Variants in PHKG2 observed in about 807,000 individuals in gnomAD.
PHKG2 encodes phosphorylase kinase catalytic subunit gamma 2, also known as phosphorylase b kinase gamma catalytic chain, liver/testis isoform.
In PHKG2, 28 loss-of-function variants were observed where a neutral mutation model predicts 44.5. That is an observed-to-expected ratio of 0.63 (90% CI 0.47 to 0.86). PHKG2 has a LOEUF of 0.86. Ranked by LOEUF, PHKG2 falls within the 40% of genes least tolerant of loss-of-function variation. The probability of loss-of-function intolerance (pLI) is 0.00; values close to 1 mark genes in which losing one functional copy is unlikely to be tolerated. For missense variants in PHKG2, 498 were observed against 547.5 expected (o/e 0.91, Z 0.90); for synonymous variants, 220 against 211.2 (o/e 1.04, Z -0.36).
Position 30,756,903 on chromosome 16 carries a change from C to T in PHKG2, c.1027C>T (p.Leu343=), listed in dbSNP as rs757346673. 8.7e-6 allele frequency: 14 copies of T among 1,614,134 alleles called. No homozygotes were observed. The South Asian group carries it at 1.2e-4, about 14-fold the overall frequency. ...KNALLRDPYA[L]RSVRHLIDNC... is the part of the protein sequence containing the mutation. Reference sequence around the variant, plus strand: ...TGCACTGTTGAGGGACCCTTATGCGCTGCGGTCAGTGCGGCACCTCATCGA... The same window carrying T: ...TGCACTGTTGAGGGACCCTTATGCGTTGCGGTCAGTGCGGCACCTCATCGA... Residue 343 remains leucine, a synonymous_variant, in exon 10 of 10, where the codon CTG becomes TTG. Transcript: ENST00000563588.
Position 30,750,089 on chromosome 16 carries a change from C to T in PHKG2, c.96-1017C>T, listed in dbSNP as rs148870821. Among the ~76,000 whole-genome samples, 677 of 152,072 alleles carry T rather than the reference C, an allele frequency of 4.5e-3. 4 individuals carry two copies. Among genetic ancestry groups the T allele is most frequent in the African/African-American group, 0.015 (642 of 41,470 alleles). Reference sequence around the variant, plus strand: ...AAAACATGGCCTCAAACTCAGATGCCCTTAGTGGTTGCGCAGGAAATTGAA... The same window carrying T: ...AAAACATGGCCTCAAACTCAGATGCTCTTAGTGGTTGCGCAGGAAATTGAA... On this transcript the variant is annotated intron_variant, in intron 2 of 9. Transcript: ENST00000563588.
chr16:30,751,750 G>A (rs539539333), intron 4 of PHKG2, 147 bp downstream of exon 4: 20 of 799,606 alleles, frequency 2.5e-5, no homozygotes, highest in Admixed American at 1.2e-4. Context: ...GCCTGCTAGC[G>A]CATGGCTCTG....
intron 4 of PHKG2, chr16:30,752,961 C>G: frequency 1.9e-6 from 1 of 514,368 alleles, no homozygotes; most frequent in Non-Finnish European, 3.5e-6. Flanking sequence ...GGCATAGTTA[C>G]TCTCAACAAG....
chr16:30,757,720 C>T lies in PHKG2; in HGVS notation c.*623C>T. ...CTGTCTGGCAATGGGGGGATGGTCC[C>T]TAGTTGGGCAAACAGTCCCCAAATT... On this transcript the variant is annotated 3_prime_UTR_variant, in exon 10 of 10. Transcript: ENST00000563588. The T allele has an allele frequency of 6.6e-7, 1 of 1,524,684 alleles. No individual in the cohort carries two copies. Among genetic ancestry groups the T allele is most frequent in the South Asian group, 1.3e-5 (1 of 78,454 alleles). 94.4% of individuals were successfully genotyped at this position (1,524,684 alleles called of 1,614,324 possible). A position where few individuals can be genotyped will look rare whatever the true frequency, so the allele number is the denominator to read the frequency against.
rs1376971577 is a variant in PHKG2, at chr16:30,759,890, G to A, written c.*2793G>A. 4 of 1,444,688 alleles carry A rather than the reference G, an allele frequency of 2.8e-6. No individual in the cohort carries two copies. The South Asian group carries it at 4.5e-5, about 16-fold the overall frequency. 89.5% of individuals were successfully genotyped at this position (1,444,688 alleles called of 1,614,324 possible). A position where few individuals can be genotyped will look rare whatever the true frequency, so the allele number is the denominator to read the frequency against. On this transcript the variant is annotated 3_prime_UTR_variant, in exon 10 of 10. Coordinates refer to ENST00000563588, the MANE Select transcript of PHKG2 (RefSeq NM_000294.3). ...AACAAATACTGAATACCCACTATAT[G>A]CCCACTGTATGGTTTTCGGCACTGA... is the stretch of plus-strand genomic sequence containing the variant.
rs367805411 is a variant in PHKG2 at position 30,761,141 on chromosome 16, TG to T, written c.*4048del. On this transcript the variant is annotated 3_prime_UTR_variant, in exon 10 of 10. Coordinates refer to ENST00000563588, the MANE Select transcript of PHKG2 (RefSeq NM_000294.3). ...ATGCCCTGGCCACAGACAGGACTGT[TG>T]GGGAGACAATAAAGAACGCAAATAT... is the stretch of plus-strand genomic sequence containing the variant. The T allele has an allele frequency of 5.9e-4, 943 of 1,591,170 alleles. 3 individuals carry two copies. The African/African-American group carries it at 8.3e-3, about 14-fold the overall frequency.
Position 30,757,392 on chromosome 16 carries a change from G to A in PHKG2, c.*295G>A, listed in dbSNP as rs1054407649. 7.8e-6 allele frequency: 12 copies of A among 1,547,410 alleles called. No homozygotes were observed. The highest frequency in any genetic ancestry group is 1.0e-5 in the Non-Finnish European group (12 of 1,147,222). On this transcript the variant is annotated 3_prime_UTR_variant, in exon 10 of 10. Coordinates refer to ENST00000563588, the MANE Select transcript of PHKG2 (RefSeq NM_000294.3). ...AGGTGTCCTGTGTCTGTCTGGCTTG[G>A]GCAGGAAAGCCCAGAAGGTGCTCAG...
In PHKG2 at chr16:30,756,699, C is replaced by T. The variant is rs781099286; in HGVS notation, c.911C>T (p.Pro304Leu). 9 of 1,613,964 alleles carry T rather than the reference C, an allele frequency of 5.6e-6. No individual in the cohort carries two copies. In the Admixed American group the frequency reaches 6.7e-5, roughly 12 times the overall value. The change falls in exon 9 of 10, where the codon CCC becomes CTC. Residue 304 changes from proline (P) to leucine (L), a missense_variant. Transcript: ENST00000563588. Reference protein sequence around the residue: ...CEGSQPWNLTPRQRFRVAVWT... With the variant: ...CEGSQPWNLTLRQRFRVAVWT... ...GGCAGCCAACCCTGGAACCTCACCC[C>T]CCGCCAGCGGTTCCGGGTAAGCCTG...
rs776735043 is a variant in PHKG2 at position 30,760,156 on chromosome 16, TATG to T, written c.*3066_*3068del. 3.2e-5 allele frequency: 50 copies of T among 1,583,562 alleles called. No homozygotes were observed. Among genetic ancestry groups the T allele is most frequent in the Middle Eastern group, 1.7e-4 (1 of 6,034 alleles). On this transcript the variant is annotated 3_prime_UTR_variant, in exon 10 of 10. Coordinates refer to ENST00000563588, the MANE Select transcript of PHKG2 (RefSeq NM_000294.3). ...TGGATTGGAAAGCTGATGGCTTGTG[TATG>T]ATGATGCTACTAATAATGACATATT...
At position 30,758,877 on chromosome 16, in the gene PHKG2, G is replaced by A; in HGVS notation, c.*1780G>A. ...AGCTGTGCTTTTATCTGTCATCTTG[G>A]ACTTCTGCATAAGGGATCATTTAGA... On this transcript the variant is annotated 3_prime_UTR_variant, in exon 10 of 10. Coordinates refer to ENST00000563588, the MANE Select transcript of PHKG2 (RefSeq NM_000294.3). The A allele has an allele frequency of 7.0e-7, 1 of 1,430,646 alleles. No individual in the cohort carries two copies. Among genetic ancestry groups the A allele is most frequent in the Admixed American group, 2.4e-5 (1 of 41,652 alleles). 88.6% of individuals were successfully genotyped at this position (1,430,646 alleles called of 1,614,324 possible).
rs1292727809 is a variant in PHKG2, at chr16:30,756,390, T to C, written c.671T>C (p.Phe224Ser). ...VDLWACGVILFTLLAGSPPFW... is the reference protein window; with the variant it reads ...VDLWACGVILSTLLAGSPPFW... ...AGCTGGGCCTGTGGGGTGATCTTGT[T>C]CACACTCCTGGCTGGCTCGCCACCC... Residue 224 changes from phenylalanine (F) to serine (S), a missense_variant, in exon 8 of 10, where the codon TTC becomes TCC. Transcript: ENST00000563588. 1.2e-6 allele frequency: 2 copies of C among 1,614,090 alleles called. No individual in the cohort carries two copies.
At position 30,759,767 on chromosome 16, in the gene PHKG2, A is replaced by G. The variant is rs2053613359; in HGVS notation, c.*2670A>G. ...ATGCAGCAGTGAGGCCCTCTCTGGT[A>G]TCCATTCATTCACTTCACTCAACAG... is the stretch of plus-strand genomic sequence containing the variant. On this transcript the variant is annotated 3_prime_UTR_variant, in exon 10 of 10. Transcript: ENST00000563588. 1 of 1,568,500 alleles carries G rather than the reference A, an allele frequency of 6.4e-7. No homozygotes were observed. The highest frequency in any genetic ancestry group is 1.9e-5 in the Admixed American group (1 of 53,958).
Position 30,760,245 on chromosome 16 carries a change from T to C in PHKG2, c.*3148T>C. On this transcript the variant is annotated 3_prime_UTR_variant, in exon 10 of 10. Transcript: ENST00000563588. ...CACTTGTGCCAGGCCCGGTTCCTCT[T>C]CTCCCTGGGGCTCAAACCTGGTAGC... 6.2e-7 allele frequency: 1 copy of C among 1,613,852 alleles called. No individual in the cohort carries two copies. Among genetic ancestry groups the C allele is most frequent in the South Asian group, 1.1e-5 (1 of 91,076 alleles).
At position 30,756,597 on chromosome 16, in the gene PHKG2, G is replaced by A; in HGVS notation, c.809G>A (p.Arg270Lys). 1.2e-6 allele frequency: 2 copies of A among 1,613,836 alleles called. No homozygotes were observed. Among genetic ancestry groups the A allele is most frequent in the Non-Finnish European group, 8.5e-7 (1 of 1,180,016 alleles). ...GCTCTGGGTCTCTCCTAGATCTCCA[G>A]GCTGCTGCAGGTGGATCCTGAGGCA... ...RSSTVKDLIS[R>K]LLQVDPEARL... The change falls in exon 9 of 10, where the codon AGG (arginine) becomes AAG (lysine). Residue 270 changes from arginine (R) to lysine (K), a missense_variant. Arg to Lys is a conservative substitution (Grantham distance 26, BLOSUM62 2). Transcript: ENST00000563588.
rs766536164 is a variant in PHKG2, at chr16:30,760,429, T to C, written c.*3332T>C. 3 of 1,614,120 alleles carry C rather than the reference T, an allele frequency of 1.9e-6. No individual in the cohort carries two copies. Among genetic ancestry groups the C allele is most frequent in the African/African-American group, 2.7e-5 (2 of 75,032 alleles). ...CCCTCAGGCTCTGCTCAGGACACCC[T>C]AGCTCCAGCAGCTCAGCCAGCACCC... On this transcript the variant is annotated 3_prime_UTR_variant, in exon 10 of 10. Transcript: ENST00000563588.
At chr16:30,754,270 A>T (rs1452502536) in intron 6 of PHKG2, among the ~76,000 whole-genome samples, 1 of 150,544 alleles carries the variant, frequency 6.6e-6, no homozygotes, top group Admixed American at 6.6e-5. Context: ...GGTTCAAGCT[A>T]TTCTTCTGCC....
At position 30,757,100 on chromosome 16, in the gene PHKG2, C is replaced by G. The variant is rs756727483; in HGVS notation, c.*3C>G. 6.2e-7 allele frequency: 1 copy of G among 1,613,128 alleles called. No homozygotes were observed. On this transcript the variant is annotated 3_prime_UTR_variant, in exon 10 of 10. Transcript: ENST00000563588. Reference sequence around the variant, plus strand: ...AGGCCGTGCTTGTGCTGGGCTAGGACCTCAACCCCAGGGATTCCCAGGAAG... The same window carrying G: ...AGGCCGTGCTTGTGCTGGGCTAGGAGCTCAACCCCAGGGATTCCCAGGAAG...
intron 3 of PHKG2, 96 bp from the exon 4 acceptor site, chr16:30,751,453 T>C (rs2053342624): frequency 5.3e-6 from 7 of 1,309,618 alleles, no homozygotes; most frequent in Non-Finnish European, 7.8e-6. Flanking sequence ...TTCTTCCCAG[T>C]AACAGCCCGC....
At position 30,759,787 on chromosome 16, in the gene PHKG2, C is replaced by T; in HGVS notation, c.*2690C>T. The T allele has an allele frequency of 6.5e-7, 1 of 1,545,648 alleles. No homozygotes were observed. The highest frequency in any genetic ancestry group is 8.7e-7 in the Non-Finnish European group (1 of 1,148,994). ...CTGGTATCCATTCATTCACTTCACT[C>T]AACAGCTGTTTATGACCATGAGCTT... On this transcript the variant is annotated 3_prime_UTR_variant, in exon 10 of 10. Transcript: ENST00000563588.
Sources: allele counts gnomAD v4.1 joint callset (sites outside exome capture counted in the v4.1 genomes callset), GRCh38; gene constraint gnomAD v4.1.1; transcripts MANE v1.5; gene names NCBI Gene and HGNC (gene_info 2026-07-23, HGNC 2026-07-21).